Variants in GAL3ST1 observed in about 807,000 individuals in gnomAD.
The protein encoded by GAL3ST1 is galactose-3-O-sulfotransferase 1, also known as galactosylceramide sulfotransferase.
A neutral mutation model predicts 25.0 loss-of-function variants in GAL3ST1; 13 were observed. That is an observed-to-expected ratio of 0.52 (90% confidence interval 0.34 to 0.83). The LOEUF is 0.83. GAL3ST1 is among the 40% of genes least tolerant of loss of function. The pLI is 0.02. For missense variants in GAL3ST1, 474 were observed against 613.6 expected, an observed-to-expected ratio of 0.77 and a Z score of 2.40; for synonymous variants, 274 against 277.8, an observed-to-expected ratio of 0.99 and a Z score of 0.14.
At chr22:30,570,977 TACACACACACAC>T (rs67031445) in intron 1 of GAL3ST1, among the ~76,000 whole-genome samples, 9 of 146,088 alleles carry the variant, frequency 6.2e-5, no homozygotes, top group Non-Finnish European at 1.1e-4. Context: ...TCTGTGATGA[TACACACACACAC>T]ACACACACAC....
rs1452145988 is a variant in GAL3ST1 at position 30,556,166 on chromosome 22, G to A, written c.132-73C>T. ...CCTCAGGACTCTGGTAGTTAGAGAG[G>A]GAGATTATTGGGAACAGTGGTGGCA... On this transcript the variant is annotated intron_variant, in intron 3 of 3. Coordinates refer to ENST00000406361, the MANE Select transcript of GAL3ST1 (RefSeq NM_001318104.2). The A allele has an allele frequency of 3.3e-6, 4 of 1,212,382 alleles. No homozygotes were observed. The African/African-American group carries it at 6.0e-5, about 18-fold the overall frequency. 75.1% of individuals were successfully genotyped at this position (1,212,382 alleles called of 1,614,324 possible).
rs746763491 is a variant in GAL3ST1 at position 30,555,373 on chromosome 22, C to T, written c.852G>A (p.Ser284=). The T allele has an allele frequency of 5.6e-6, 9 of 1,608,324 alleles. No individual in the cohort carries two copies. The highest frequency in any genetic ancestry group is 5.5e-5 in the South Asian group (5 of 91,076). ...LYFKLNARRD[S]PVPRLSGELY... is the part of the protein sequence containing the mutation. ...GCTCCCCCGAGAGCCGCGGCACGGG[C>T]GAGTCGCGGCGGGCGTTGAGCTTGA... The change falls in exon 4 of 4, where the codon TCG becomes TCA. Residue 284 remains serine, a synonymous_variant. Coordinates refer to ENST00000406361, the MANE Select transcript of GAL3ST1 (RefSeq NM_001318104.2). The surrounding 1 kb of genome is among the most constrained non-coding windows in gnomAD (Gnocchi z 8.6).
At chr22:30,561,922 C>A (rs934824394) in intron 1 of GAL3ST1, among the ~76,000 whole-genome samples, 3 of 152,150 alleles carry the variant, frequency 2.0e-5, no homozygotes, top group African/African-American at 7.2e-5. Context: ...GCAATGGACA[C>A]ACAACAGCAA....
chr22:30,570,726 C>T (rs2086755440), intron 1 of GAL3ST1, among the ~76,000 whole-genome samples: 1 of 150,680 alleles, frequency 6.6e-6, no homozygotes, highest in Non-Finnish European at 1.5e-5. Context: ...GCGGAGGTTG[C>T]AATGAGCCAA....
At position 30,555,284 on chromosome 22, in the gene GAL3ST1, C is replaced by G; in HGVS notation, c.941G>C (p.Ser314Thr). The change falls in exon 4 of 4, where the codon AGC becomes ACC. Residue 314 changes from serine to threonine, a missense_variant. Transcript: ENST00000406361. The surrounding 1 kb of genome is among the most constrained non-coding windows in gnomAD (Gnocchi z 8.6). ...GAAGGCCTCCACCTTGCGCCAGAAG[C>G]TGGCGTTGAAGTGGCGGTAGAGGTG... is the stretch of plus-strand genomic sequence containing the variant. ...DSHLYRHFNA[S>T]FWRKVEAFGR... 2 of 1,603,384 alleles carry G rather than the reference C, an allele frequency of 1.2e-6. No homozygotes were observed. Among genetic ancestry groups the G allele is most frequent in the South Asian group, 2.2e-5 (2 of 90,744 alleles).
At chr22:30,556,712 G>A (rs2086052190) in intron 3 of GAL3ST1, among the ~76,000 whole-genome samples, 1 of 152,136 alleles carries the variant, frequency 6.6e-6, no homozygotes, top group African/African-American at 2.4e-5. Flanking sequence ...CTATGAGGAA[G>A]GCTCTGGGTT....
Position 30,555,198 on chromosome 22 carries a change from T to C in GAL3ST1, c.1027A>G (p.Thr343Ala). ...GCGTGGCCCCCGTCGATGCAGATGG[T>C]CCGCATGCGCTCGTTGGCATGGCGC... ...ALRHANERMR[T>A]ICIDGGHAVD... Residue 343 changes from threonine to alanine, a missense_variant, in exon 4 of 4, where the codon ACC (threonine) becomes GCC (alanine). Thr to Ala is a moderately conservative substitution (Grantham distance 58). Coordinates refer to ENST00000406361, the MANE Select transcript of GAL3ST1 (RefSeq NM_001318104.2). This position sits in a 1 kb window ranked among gnomAD's most constrained non-coding sequence, Gnocchi z 8.6. 6.2e-7 allele frequency: 1 copy of C among 1,600,186 alleles called. No homozygotes were observed. The highest frequency in any genetic ancestry group is 8.5e-7 in the Non-Finnish European group (1 of 1,176,062).
In GAL3ST1 at chr22:30,557,263, T is replaced by G. The variant is rs776387935; in HGVS notation, c.130A>C (p.Thr44Pro). The change falls in exon 3 of 4, where the codon ACG (threonine) becomes CCG (proline). Residue 44 changes from threonine to proline, a missense_variant and splice_region_variant. Thr to Pro is a conservative substitution (Grantham distance 38). Transcript: ENST00000406361. ...CATCTGCCCAGCTGGGCCACTCACGTGGAGGCCAGGCCGGCATGCAGCGGG... is the reference window on the plus strand; with the variant it reads ...CATCTGCCCAGCTGGGCCACTCACGGGGAGGCCAGGCCGGCATGCAGCGGG... ...VPPLHAGLASTTPEAAASCSP... is the reference protein window; with the variant it reads ...VPPLHAGLASPTPEAAASCSP... 5.0e-6 allele frequency: 8 copies of G among 1,613,802 alleles called. No homozygotes were observed.
chr22:30,566,786 T>C (rs1241695104), intron 1 of GAL3ST1, among the ~76,000 whole-genome samples: 2 of 151,748 alleles, frequency 1.3e-5, no homozygotes, highest in Non-Finnish European at 2.9e-5. Context: ...ATTTTTTGTA[T>C]TTTTAGTAGA....
At position 30,555,121 on chromosome 22, in the gene GAL3ST1, C is replaced by T. The variant is rs765940811; in HGVS notation, c.1104G>A (p.Leu368=). Residue 368 remains leucine (L), a synonymous_variant, in exon 4 of 4, where the codon CTG becomes CTA. Transcript: ENST00000406361. This position sits in a 1 kb window ranked among gnomAD's most constrained non-coding sequence, Gnocchi z 8.6. ...TGTAGCCCAGGATGGACTTGGTGCC[C>T]AGCGGCTGCCAGGGCTGCATGGCCT... The part of the protein sequence containing the change: ...QDEAMQPWQP[L]GTKSILGYNL... 2 of 1,611,530 alleles carry T rather than the reference C, an allele frequency of 1.2e-6. No homozygotes were observed. Among genetic ancestry groups the T allele is most frequent in the Admixed American group, 3.3e-5 (2 of 59,998 alleles).
At chr22:30,557,496 C>T (rs1425635289) in intron 2 of GAL3ST1, 95 bp from the exon 3 acceptor site, 6 of 1,406,540 alleles carry the variant, frequency 4.3e-6, no homozygotes, top group Non-Finnish European at 5.9e-6. Flanking sequence ...CCTGCCTTTG[C>T]CTGCTCTGTG....
At position 30,554,812 on chromosome 22, in the gene GAL3ST1, GCCTCCCCCCAGGGAGCCCCC is replaced by G. The variant is rs1365715653; in HGVS notation, c.*121_*140del. ...TTCATGGGCCCAGTCTTGGCTGGCT[GCCTCCCCCCAGGGAGCCCCC>G]CCTCACCCCGGGGTCTGAGGTGGCA... On this transcript the variant is annotated 3_prime_UTR_variant, in exon 4 of 4. Transcript: ENST00000406361. 5 of 601,978 alleles carry G rather than the reference GCCTCCCCCCAGGGAGCCCCC, an allele frequency of 8.3e-6. No individual in the cohort carries two copies. Among genetic ancestry groups the G allele is most frequent in the African/African-American group, 1.9e-5 (1 of 52,784 alleles). The allele number at this position is 601,978 out of a possible 1,614,324, so 37.3% of individuals were successfully genotyped here. A position where few individuals can be genotyped will look rare whatever the true frequency, so the allele number is the denominator to read the frequency against.
At chr22:30,566,851 T>C (rs529590695) in intron 1 of GAL3ST1, among the ~76,000 whole-genome samples, 135 of 152,304 alleles carry the variant, frequency 8.9e-4, no homozygotes, top group African/African-American at 3.2e-3. Flanking sequence ...CCTCATGATC[T>C]GCCCACCTTA....
intron 2 of GAL3ST1, 163 bp from the exon 3 acceptor site, chr22:30,557,564 C>T: frequency 1.5e-6 from 1 of 678,072 alleles, no homozygotes; most frequent in Non-Finnish European, 2.4e-6. Flanking sequence ...GACTGACAAC[C>T]ACCTGGAAAG....
intron 1 of GAL3ST1, among the ~76,000 whole-genome samples, chr22:30,570,779 T>A (rs12484250): frequency 0.1 from 10,882 of 108,936 alleles, 517 homozygotes; most frequent in Admixed American, 0.17. Flanking sequence ...AGAACGAAAC[T>A]CCGTCTCAAA....
chr22:30,565,551 C>G (rs966996366), intron 1 of GAL3ST1, among the ~76,000 whole-genome samples: 2 of 152,216 alleles, frequency 1.3e-5, no homozygotes, highest in Admixed American at 1.3e-4. Context: ...CTGACCAGGG[C>G]TCAGAAGATG....
At chr22:30,565,734 G>A (rs917150732) in intron 1 of GAL3ST1, among the ~76,000 whole-genome samples, 3 of 152,144 alleles carry the variant, frequency 2.0e-5, no homozygotes, top group Admixed American at 1.3e-4. Context: ...GCAGTTCTAG[G>A]TGCCCTGGCC....
intron 1 of GAL3ST1, chr22:30,566,304 G>A (rs1027743229): frequency 5.9e-5 from 9 of 152,326 alleles, no homozygotes; most frequent in East Asian, 1.9e-4. Flanking sequence ...AACCGCAGGG[G>A]CTGTAGTTTA....
chr22:30,555,267 C>T lies in GAL3ST1; in HGVS notation c.958G>A (p.Glu320Lys). The change falls in exon 4 of 4, where the codon GAG becomes AAG. Residue 320 changes from glutamate (E) to lysine (K), a missense_variant. Coordinates refer to ENST00000406361, the MANE Select transcript of GAL3ST1 (RefSeq NM_001318104.2). This position sits in a 1 kb window ranked among gnomAD's most constrained non-coding sequence, Gnocchi z 8.6. ...HFNASFWRKV[E>K]AFGRERMARE... The stretch of plus-strand genomic sequence containing the variant: ...GCCATGCGCTCCCGCCCGAAGGCCT[C>T]CACCTTGCGCCAGAAGCTGGCGTTG... 2 of 1,601,834 alleles carry T rather than the reference C, an allele frequency of 1.2e-6. No homozygotes were observed.
Sources: allele counts gnomAD v4.1 joint callset (sites outside exome capture counted in the v4.1 genomes callset), GRCh38; gene constraint gnomAD v4.1.1; non-coding constraint Gnocchi (gnomAD v3.1); transcripts MANE v1.5; gene names NCBI Gene and HGNC (gene_info 2026-07-23, HGNC 2026-07-21).